Variants in TENM4 observed in about 807,000 individuals in gnomAD.
The protein encoded by TENM4 is teneurin-4.
Under a neutral mutation model 243.3 loss-of-function variants are expected in TENM4, and 82 were observed. The observed-to-expected ratio is 0.34, with a 90% CI of 0.28 to 0.40. TENM4 has a LOEUF of 0.40. TENM4 is among the 10% of genes least tolerant of loss of function. TENM4 has a pLI of 1.00. For missense variants in TENM4, 3,138 were observed against 3,673.3 expected, an observed-to-expected ratio of 0.85 and a Z score of 3.77; for synonymous variants, 1,412 against 1,456.3, an observed-to-expected ratio of 0.97 and a Z score of 0.69.
At chr11:78,869,128 T>C (rs1177677086) in intron 9 of TENM4, among the ~76,000 whole-genome samples, 1 of 151,826 alleles carries the variant, frequency 6.6e-6, no homozygotes, top group Non-Finnish European at 1.5e-5. Context: ...CACGGCAGGA[T>C]AACAGAAAAA....
intron 29 of TENM4, 34 bp from the exon 30 acceptor site, chr11:78,676,421 G>C: frequency 6.5e-7 from 1 of 1,537,826 alleles, no homozygotes; most frequent in Non-Finnish European, 8.9e-7. Flanking sequence ...CTGCTCAGAA[G>C]GAACGAAGGT....
intron 4 of TENM4, among the ~76,000 whole-genome samples, chr11:79,081,534 GGTGT>G (rs56237099): frequency 0.02 from 2,993 of 148,278 alleles, 80 homozygotes; most frequent in African/African-American, 0.056. Flanking sequence ...TGTCAGAGGT[GGTGT>G]GTGTGTGTGT....
intron 1 of TENM4, among the ~76,000 whole-genome samples, chr11:79,300,252 A>G (rs557140968): frequency 9.5e-4 from 144 of 152,332 alleles, no homozygotes; most frequent in African/African-American, 3.3e-3. Flanking sequence ...GCTTTTTTGT[A>G]TGAATACTCA....
chr11:79,236,590 G>A (rs2135271981), intron 2 of TENM4, among the ~76,000 whole-genome samples: 1 of 152,234 alleles, frequency 6.6e-6, no homozygotes, highest in African/African-American at 2.4e-5. Flanking sequence ...CGAACCCTCA[G>A]AACACAACTG....
intron 1 of TENM4, among the ~76,000 whole-genome samples, chr11:79,380,867 G>C (rs1857987061): frequency 6.6e-6 from 1 of 152,222 alleles, no homozygotes; most frequent in Admixed American, 6.5e-5. Context: ...TTGTAAGGAA[G>C]ATCGAAGAAT....
rs563801458 is a variant in TENM4, at chr11:79,190,794, TC to T, written c.-163+25013del. Among the ~76,000 whole-genome samples, 795 of 137,108 alleles carry T rather than the reference TC, an allele frequency of 5.8e-3. 8 individuals carry two copies. Among genetic ancestry groups the T allele is most frequent in the African/African-American group, 0.021 (737 of 34,502 alleles). 89.9% of individuals were successfully genotyped at this position (137,108 alleles called of 152,430 possible). ...TCCCTCTCCCTCTCCCGTCTCCCTC[TC>T]CCTCTCCCTCTCCCGTCTCCCTCTC... On this transcript the variant is annotated intron_variant, in intron 3 of 33. Transcript: ENST00000278550.
intron 3 of TENM4, among the ~76,000 whole-genome samples, chr11:79,205,327 C>A (rs995577219): frequency 6.6e-6 from 1 of 152,116 alleles, no homozygotes; most frequent in Non-Finnish European, 1.5e-5. Context: ...TCAAATGTCC[C>A]ATTTTACTGG....
intron 22 of TENM4, 85 bp downstream of exon 22, chr11:78,729,291 G>C: frequency 7.2e-7 from 1 of 1,393,422 alleles, no homozygotes; most frequent in South Asian, 1.5e-5. Flanking sequence ...TCTGAGAAGA[G>C]GAAGGAAGGA....
chr11:79,213,472 C>T (rs997037889), intron 3 of TENM4, among the ~76,000 whole-genome samples: 1 of 152,188 alleles, frequency 6.6e-6, no homozygotes, highest in African/African-American at 2.4e-5. Flanking sequence ...AAGGTTTAAG[C>T]AGAAGAGGGG....
intron 2 of TENM4, among the ~76,000 whole-genome samples, chr11:79,220,590 G>C (rs557543642): frequency 1.3e-5 from 2 of 152,160 alleles, no homozygotes; most frequent in Non-Finnish European, 2.9e-5. Context: ...CTTTCTCAGG[G>C]AGGTAGCTTT....
chr11:78,876,311 ATTTC>A (rs1474300622), intron 9 of TENM4, among the ~76,000 whole-genome samples: 1 of 152,214 alleles, frequency 6.6e-6, no homozygotes, highest in Non-Finnish European at 1.5e-5. Context: ...AGCACTTGTG[ATTTC>A]TGTAGTTTTA....
At chr11:78,686,665 T>C (rs867090471) in intron 29 of TENM4, among the ~76,000 whole-genome samples, 1 of 152,060 alleles carries the variant, frequency 6.6e-6, no homozygotes. Context: ...CACTGCAGAG[T>C]TGATTGCTTG....
chr11:78,706,946 T>G (rs1306532112), intron 27 of TENM4, among the ~76,000 whole-genome samples: 2 of 152,128 alleles, frequency 1.3e-5, no homozygotes, highest in East Asian at 3.9e-4. Flanking sequence ...GCATCCACTC[T>G]GGAGTGTAAT....
intron 12 of TENM4, among the ~76,000 whole-genome samples, chr11:78,825,980 G>A (rs1857838894): frequency 6.6e-6 from 1 of 152,028 alleles, no homozygotes; most frequent in Non-Finnish European, 1.5e-5. Context: ...AGGAAGTGGG[G>A]TGTGGGGAGC....
At chr11:79,281,225 C>T (rs1856151603) in intron 2 of TENM4, among the ~76,000 whole-genome samples, 1 of 152,174 alleles carries the variant, frequency 6.6e-6, no homozygotes, top group Non-Finnish European at 1.5e-5. Context: ...ACTTACTCCT[C>T]TCAGCAATCC....
intron 10 of TENM4, among the ~76,000 whole-genome samples, chr11:78,862,737 C>T (rs1444881625): frequency 6.6e-6 from 1 of 152,152 alleles, no homozygotes; most frequent in Non-Finnish European, 1.5e-5. Context: ...TGCTGAGCAC[C>T]ATGAGCCCTT....
At chr11:79,328,911 C>A (rs1857017820) in intron 1 of TENM4, among the ~76,000 whole-genome samples, 1 of 152,050 alleles carries the variant, frequency 6.6e-6, no homozygotes, top group African/African-American at 2.4e-5. Context: ...TGATGTAGCC[C>A]AAGGCTGGGC....
At chr11:79,013,587 G>A (rs555033268) in intron 6 of TENM4, among the ~76,000 whole-genome samples, 5 of 152,296 alleles carry the variant, frequency 3.3e-5, no homozygotes, top group African/African-American at 1.2e-4. Context: ...CCTCTGGAGC[G>A]CCAACAGGGA....
intron 4 of TENM4, among the ~76,000 whole-genome samples, chr11:79,126,193 A>G (rs1274173610): frequency 6.6e-6 from 1 of 152,234 alleles, no homozygotes; most frequent in Non-Finnish European, 1.5e-5. Context: ...TTTAATGTAG[A>G]GGAAGGGATC....
Sources: allele counts gnomAD v4.1 joint callset (sites outside exome capture counted in the v4.1 genomes callset), GRCh38; gene constraint gnomAD v4.1.1; transcripts MANE v1.5; gene names NCBI Gene and HGNC (gene_info 2026-07-23, HGNC 2026-07-21).